MAML3: variants seen among roughly 807,000 people sequenced by gnomAD.
MAML3 encodes mastermind-like protein 3.
A neutral mutation model predicts 101.9 loss-of-function variants in MAML3; 27 were observed. The observed-to-expected ratio is 0.27, with a 90% CI of 0.20 to 0.37. The LOEUF is 0.37. Among genes scored for constraint, MAML3 ranks in the 10% least tolerant of loss-of-function variants. The pLI is 1.00. For missense variants in MAML3, 1,316 were observed against 1,444.9 expected, an observed-to-expected ratio of 0.91 and a Z score of 1.45; for synonymous variants, 501 against 555.9, an observed-to-expected ratio of 0.90 and a Z score of 1.39.
chr4:139,996,361 G>A (rs1158541443), intron 1 of MAML3, among the ~76,000 whole-genome samples: 1 of 152,138 alleles, frequency 6.6e-6, no homozygotes, highest in Non-Finnish European at 1.5e-5. Context: ...GTGGGGTATT[G>A]AAATCTTTGA....
intron 2 of MAML3, among the ~76,000 whole-genome samples, chr4:139,798,008 G>C (rs1730540775): frequency 6.9e-6 from 1 of 144,540 alleles, no homozygotes; most frequent in African/African-American, 2.6e-5. Flanking sequence ...AAAAAAGAAA[G>C]AAAGGAAGGA....
intron 1 of MAML3, among the ~76,000 whole-genome samples, chr4:139,955,805 G>C (rs1733905780): frequency 6.6e-6 from 1 of 152,166 alleles, no homozygotes; most frequent in African/African-American, 2.4e-5. Flanking sequence ...CCATGAGAAA[G>C]AGCTGCTGTG....
intron 1 of MAML3, among the ~76,000 whole-genome samples, chr4:139,978,843 A>G (rs1734393757): frequency 6.6e-6 from 1 of 152,090 alleles, no homozygotes; most frequent in Non-Finnish European, 1.5e-5. Flanking sequence ...AACTGGCTAT[A>G]TAGCAGGAAA....
In MAML3 at chr4:140,023,069, A is replaced by T. The variant is rs563848973; in HGVS notation, c.468+129791T>A. Among the ~76,000 whole-genome samples, 4 of 152,330 alleles carry T rather than the reference A, an allele frequency of 2.6e-5. No homozygotes were observed. The South Asian group carries it at 8.3e-4, about 32-fold the overall frequency. ...GGCTCTGAGACATCTTGCAGGAAAG[A>T]CACCTGTATAATATATGGAACCCAG... On this transcript the variant is annotated intron_variant, in intron 1 of 4. Coordinates refer to ENST00000509479, the MANE Select transcript of MAML3 (RefSeq NM_018717.5).
chr4:139,870,483 C>A (rs750965312), intron 2 of MAML3, among the ~76,000 whole-genome samples: 24 of 152,122 alleles, frequency 1.6e-4, no homozygotes, highest in Non-Finnish European at 2.9e-4. Flanking sequence ...TATTTTTAAG[C>A]CTTGAAATGA....
At chr4:139,730,354 A>G in intron 3 of MAML3, 62 bp downstream of exon 3, 1 of 1,432,902 alleles carries the variant, frequency 7.0e-7, no homozygotes. Flanking sequence ...CACAGGCAGC[A>G]GGCAGGTGCT....
intron 1 of MAML3, among the ~76,000 whole-genome samples, chr4:140,045,256 A>C (rs1434564404): frequency 1.4e-4 from 21 of 152,078 alleles, no homozygotes; most frequent in Admixed American, 1.4e-3. Flanking sequence ...TTAGATGGGC[A>C]TGGTGGCAGG....
chr4:139,852,607 G>T (rs1419817035), intron 2 of MAML3, among the ~76,000 whole-genome samples: 3 of 151,760 alleles, frequency 2.0e-5, no homozygotes, highest in African/African-American at 7.3e-5. Context: ...TAGAGACAGG[G>T]TTTCACCATG....
chr4:139,962,861 C>T (rs1168642345), intron 1 of MAML3, among the ~76,000 whole-genome samples: 1 of 151,836 alleles, frequency 6.6e-6, no homozygotes, highest in Non-Finnish European at 1.5e-5. Context: ...CCAGGTTAAC[C>T]CTCTTGTTAC....
intron 1 of MAML3, among the ~76,000 whole-genome samples, chr4:140,005,438 C>T (rs1726428379): frequency 6.6e-6 from 1 of 152,224 alleles, no homozygotes; most frequent in South Asian, 2.1e-4. Flanking sequence ...AGGACTAGAT[C>T]TGTTTAAAAC....
intron 2 of MAML3, among the ~76,000 whole-genome samples, chr4:139,782,363 C>T (rs952593459): frequency 1.3e-5 from 2 of 152,078 alleles, no homozygotes; most frequent in Admixed American, 6.5e-5. Context: ...ATGGGGGTCT[C>T]ACTATGTTGC....
intron 1 of MAML3, among the ~76,000 whole-genome samples, chr4:140,101,109 CA>C (rs568952528): frequency 1.3e-5 from 2 of 152,186 alleles, no homozygotes; most frequent in East Asian, 3.9e-4. Flanking sequence ...TGACTAACAG[CA>C]AGGGACCAGA....
At chr4:139,801,588 G>A (rs1730603985) in intron 2 of MAML3, among the ~76,000 whole-genome samples, 1 of 151,772 alleles carries the variant, frequency 6.6e-6, no homozygotes, top group Non-Finnish European at 1.5e-5. Context: ...TTTCAGATTT[G>A]GGTCAGCATC....
chr4:139,743,005 GATATCCCCTCAA>G (rs2111026903), intron 2 of MAML3, among the ~76,000 whole-genome samples: 1 of 152,210 alleles, frequency 6.6e-6, no homozygotes, highest in Non-Finnish European at 1.5e-5. Flanking sequence ...TCCTTACCAT[GATATCCCCTCAA>G]ATGCCCACTA....
chr4:139,995,779 T>A (rs997632840), intron 1 of MAML3, among the ~76,000 whole-genome samples: 1 of 152,120 alleles, frequency 6.6e-6, no homozygotes, highest in African/African-American at 2.4e-5. Flanking sequence ...TCTATTTTTT[T>A]TCTTTTCTAT....
At position 139,735,002 on chromosome 4, in the gene MAML3, G is replaced by T. The variant is rs1174095423; in HGVS notation, c.2080-4335C>A. Among the ~76,000 whole-genome samples, 2 of 152,332 alleles carry T rather than the reference G, an allele frequency of 1.3e-5. No individual in the cohort carries two copies. Among genetic ancestry groups the T allele is most frequent in the African/African-American group, 4.8e-5 (2 of 41,592 alleles). On this transcript the variant is annotated intron_variant, in intron 2 of 4. Coordinates refer to ENST00000509479, the MANE Select transcript of MAML3 (RefSeq NM_018717.5). The surrounding 1 kb of genome is among the most constrained non-coding windows in gnomAD (Gnocchi z 5.8). ...GATGGTGGTGTCAGCCCGGCCTCGT[G>T]CCCGGCCGCCGCTGCGCCCGCGCCC...
chr4:139,924,869 T>A (rs1733190254), intron 1 of MAML3, among the ~76,000 whole-genome samples: 1 of 152,166 alleles, frequency 6.6e-6, no homozygotes, highest in African/African-American at 2.4e-5. Context: ...TTCCTGAGGA[T>A]CAAAAATTAC....
At chr4:139,901,067 G>A (rs1327149346) in intron 1 of MAML3, among the ~76,000 whole-genome samples, 3 of 152,194 alleles carry the variant, frequency 2.0e-5, no homozygotes, top group Non-Finnish European at 2.9e-5. Flanking sequence ...CAGCAAACCT[G>A]CTTAGAAATT....
intron 2 of MAML3, among the ~76,000 whole-genome samples, chr4:139,839,701 A>C: frequency 6.6e-6 from 1 of 152,322 alleles, no homozygotes; most frequent in Admixed American, 6.5e-5. Context: ...AAGGGATGGA[A>C]ACCGTGCATT....
Sources: gnomAD v4.1 joint callset for allele counts (sites outside exome capture counted in the v4.1 genomes callset) on GRCh38, gnomAD v4.1.1 for gene constraint, Gnocchi (gnomAD v3.1) non-coding constraint, MANE v1.5 for transcripts, NCBI Gene and HGNC (gene_info 2026-07-23, HGNC 2026-07-21) for gene names.